SPAG16: variants seen among roughly 807,000 people sequenced by gnomAD.
SPAG16 encodes sperm associated antigen 16, also known as sperm-associated antigen 16 protein.
Under a neutral mutation model 80.4 loss-of-function variants are expected in SPAG16, and 86 were observed. The ratio of observed to expected loss-of-function variants is 1.07; its 90% CI spans 0.90 to 1.28. The LOEUF is 1.28. SPAG16 is among the 50% of genes most tolerant of loss of function. The pLI, the probability that SPAG16 is intolerant of heterozygous loss-of-function variation, is 0.00. For missense variants in SPAG16, 870 were observed against 765.3 expected (o/e 1.14, Z -1.61); for synonymous variants, 294 against 265.9 (o/e 1.11, Z -1.03).
At chr2:213,303,082 C>T (rs1229562668) in intron 3 of SPAG16, among the ~76,000 whole-genome samples, 1 of 152,012 alleles carries the variant, frequency 6.6e-6, no homozygotes, top group East Asian at 1.9e-4. Flanking sequence ...ATATTTTGCC[C>T]TGACCTTACA....
chr2:213,508,756 G>A lies in SPAG16; in HGVS notation c.1070+18666G>A, dbSNP rs534899954. Among the ~76,000 whole-genome samples, 557 of 152,138 alleles carry A rather than the reference G, an allele frequency of 3.7e-3. 6 individuals are homozygous for A. The highest frequency in any genetic ancestry group is 0.013 in the African/African-American group (524 of 41,514). On this transcript the variant is annotated intron_variant, in intron 10 of 15. Coordinates refer to ENST00000331683, the MANE Select transcript of SPAG16 (RefSeq NM_024532.5). ...CACAGGAAGGGGAACATCACATACCGGGGCCTGTTGTGGGGTTGGGGGAGT... is the reference window on the plus strand; with the variant it reads ...CACAGGAAGGGGAACATCACATACCAGGGCCTGTTGTGGGGTTGGGGGAGT...
intron 10 of SPAG16, among the ~76,000 whole-genome samples, chr2:213,577,413 T>C (rs2060164555): frequency 6.6e-6 from 1 of 152,156 alleles, no homozygotes; most frequent in South Asian, 2.1e-4. Flanking sequence ...AATTTGTACT[T>C]GATAGCTGCT....
chr2:213,774,121 A>G lies in SPAG16; in HGVS notation c.1071-88364A>G, dbSNP rs570112014. ...TTGATGTTCTGGTTAGATAATTCTA[A>G]TATCTGGGATATCTTTTGGTCTCTT... On this transcript the variant is annotated intron_variant, in intron 10 of 15. Transcript: ENST00000331683. Among the ~76,000 whole-genome samples the G allele has an allele frequency of 3.3e-5, 5 of 152,240 alleles. No individual in the cohort carries two copies. The East Asian group carries it at 9.7e-4, about 29-fold the overall frequency.
rs929954472 is a variant in SPAG16, at chr2:214,147,078, T to G, written c.1594-2062T>G. ...CATGGCTTTTAAGTTTCTAAGGCAA[T>G]GGAAAAAGTCTAGCTAAAGGATGTT... On this transcript the variant is annotated intron_variant, in intron 14 of 15. Coordinates refer to ENST00000331683, the MANE Select transcript of SPAG16 (RefSeq NM_024532.5). 3.2e-4 allele frequency among the ~76,000 whole-genome samples: 48 copies of G among 152,200 alleles called. No homozygotes were observed. The Middle Eastern group carries it at 0.01, about 32-fold the overall frequency.
At chr2:214,203,171 CATG>C (rs1357362911) in intron 15 of SPAG16, among the ~76,000 whole-genome samples, 1 of 152,094 alleles carries the variant, frequency 6.6e-6, no homozygotes, top group African/African-American at 2.4e-5. Context: ...ATAATTATAT[CATG>C]ATAAATATAA....
intron 10 of SPAG16, among the ~76,000 whole-genome samples, chr2:213,597,857 T>C (rs938473119): frequency 2.0e-5 from 3 of 152,178 alleles, no homozygotes; most frequent in Non-Finnish European, 2.9e-5. Context: ...ATGGGGGAGA[T>C]TTGCATCTGT....
intron 15 of SPAG16, among the ~76,000 whole-genome samples, chr2:214,174,303 G>A (rs1016346735): frequency 2.0e-5 from 3 of 151,956 alleles, no homozygotes; most frequent in Non-Finnish European, 4.4e-5. Flanking sequence ...CCTGTTTGCA[G>A]ATGACATGAT....
chr2:214,277,141 G>A (rs534672629), intron 15 of SPAG16, among the ~76,000 whole-genome samples: 21 of 152,110 alleles, frequency 1.4e-4, no homozygotes, highest in African/African-American at 4.6e-4. Flanking sequence ...GCTCCATCAG[G>A]TCATTTAATG....
intron 10 of SPAG16, 23 bp from the exon 11 acceptor site, chr2:213,862,462 C>CTTTTTT (rs777745368): frequency 6.2e-7 from 1 of 1,610,770 alleles, no homozygotes; most frequent in Admixed American, 1.7e-5. Context: ...CCCCATAACT[C>CTTTTTT]TTTTTTCTTT....
At chr2:214,083,694 G>GT (rs1480937858) in intron 13 of SPAG16, among the ~76,000 whole-genome samples, 1 of 152,006 alleles carries the variant, frequency 6.6e-6, no homozygotes, top group Non-Finnish European at 1.5e-5. Flanking sequence ...ATAAATTCAA[G>GT]TTTTATTCTA....
chr2:213,591,145 C>T lies in SPAG16; in HGVS notation c.1070+101055C>T, dbSNP rs529879635. Among the ~76,000 whole-genome samples, 115 of 152,214 alleles carry T rather than the reference C, an allele frequency of 7.6e-4. 1 individual carries two copies. In the South Asian group the frequency reaches 0.022, roughly 30 times the overall value. ...GTACATTTTTATTCTATATTCTTGC[C>T]ATCTTTATCTTCTAGGTTATAGGAA... On this transcript the variant is annotated intron_variant, in intron 10 of 15. Coordinates refer to ENST00000331683, the MANE Select transcript of SPAG16 (RefSeq NM_024532.5).
chr2:213,984,017 A>G (rs2045891619), intron 12 of SPAG16, among the ~76,000 whole-genome samples: 1 of 152,086 alleles, frequency 6.6e-6, no homozygotes, highest in African/African-American at 2.4e-5. Flanking sequence ...CATTAATCTC[A>G]GTATTGAGAG....
chr2:214,224,285 T>C (rs934799543), intron 15 of SPAG16, among the ~76,000 whole-genome samples: 1 of 152,134 alleles, frequency 6.6e-6, no homozygotes, highest in Non-Finnish European at 1.5e-5. Context: ...TGCTAACTAA[T>C]TAAAATGTTT....
chr2:214,393,472 A>G (rs1046085009), intron 15 of SPAG16, among the ~76,000 whole-genome samples: 3 of 152,052 alleles, frequency 2.0e-5, no homozygotes, highest in Non-Finnish European at 4.4e-5. Context: ...TATGTACTCA[A>G]TGGAAATTAG....
chr2:213,338,114 C>T (rs1406559353), intron 5 of SPAG16, among the ~76,000 whole-genome samples: 1 of 152,184 alleles, frequency 6.6e-6, no homozygotes, highest in Admixed American at 6.5e-5. Context: ...TCTGGTCAAA[C>T]TCAGCTTCAT....
At chr2:213,395,096 G>T (rs2067965386) in intron 9 of SPAG16, among the ~76,000 whole-genome samples, 1 of 151,892 alleles carries the variant, frequency 6.6e-6, no homozygotes, top group South Asian at 2.1e-4. Flanking sequence ...TGATATTTGT[G>T]ATTTGTTTCT....
chr2:213,387,897 G>T (rs991175577), intron 9 of SPAG16, among the ~76,000 whole-genome samples: 12 of 152,232 alleles, frequency 7.9e-5, no homozygotes, highest in Non-Finnish European at 1.8e-4. Flanking sequence ...TAAAGATCTA[G>T]TAAGAAAACA....
At chr2:213,488,006 AT>A (rs939760967) in intron 9 of SPAG16, among the ~76,000 whole-genome samples, 1 of 152,060 alleles carries the variant, frequency 6.6e-6, no homozygotes, top group African/African-American at 2.4e-5. Flanking sequence ...ATTGGCAATA[AT>A]TTTTTCCATA....
At chr2:213,927,135 C>A (rs921475538) in intron 11 of SPAG16, among the ~76,000 whole-genome samples, 1 of 152,300 alleles carries the variant, frequency 6.6e-6, no homozygotes, top group African/African-American at 2.4e-5. Flanking sequence ...CAGTCTCTTT[C>A]TCTGATTATA....
Sources: gnomAD v4.1 joint callset for allele counts (sites outside exome capture counted in the v4.1 genomes callset) on GRCh38, gnomAD v4.1.1 for gene constraint, MANE v1.5 for transcripts, NCBI Gene and HGNC (gene_info 2026-07-23, HGNC 2026-07-21) for gene names.